Variants in LRP1B observed in about 807,000 individuals in gnomAD.
LRP1B encodes LDL receptor related protein 1B, also known as low-density lipoprotein receptor-related protein 1B.
LRP1B carries 217 observed loss-of-function variants against 556.6 expected under a neutral mutation model. The ratio of observed to expected loss-of-function variants is 0.39; its 90% confidence interval spans 0.35 to 0.44. The LOEUF is 0.44. Ranked by LOEUF, LRP1B falls within the 20% of genes least tolerant of loss-of-function variation. The probability of loss-of-function intolerance (pLI) is 1.00; values close to 1 mark genes in which losing one functional copy is unlikely to be tolerated. For synonymous variants in LRP1B, 2,047 were observed against 1,865.8 expected, an observed-to-expected ratio of 1.10 and a Z score of -2.50; for missense variants, 5,053 against 5,620.8, an observed-to-expected ratio of 0.90 and a Z score of 3.23.
At chr2:140,458,400 G>C (rs970866831) in intron 60 of LRP1B, among the ~76,000 whole-genome samples, 1 of 152,004 alleles carries the variant, frequency 6.6e-6, no homozygotes, top group Non-Finnish European at 1.5e-5. Context: ...GTGAATCCAG[G>C]GTCCTATCCA....
chr2:140,267,266 C>T (rs1034622770), intron 86 of LRP1B, among the ~76,000 whole-genome samples: 5 of 151,916 alleles, frequency 3.3e-5, no homozygotes, highest in African/African-American at 1.2e-4. Flanking sequence ...TAAACAATAA[C>T]AGCGTAATTC....
At chr2:141,394,636 C>T (rs749351453) in intron 3 of LRP1B, among the ~76,000 whole-genome samples, 1 of 151,948 alleles carries the variant, frequency 6.6e-6, no homozygotes, top group Non-Finnish European at 1.5e-5. Flanking sequence ...AATGTCAGCA[C>T]ATGTGAAAGG....
At chr2:141,319,343 G>A (rs1300043738) in intron 3 of LRP1B, among the ~76,000 whole-genome samples, 4 of 96,152 alleles carry the variant, frequency 4.2e-5, no homozygotes, top group Non-Finnish European at 1.9e-5. Flanking sequence ...TACTTGAAAT[G>A]TTCCTCAGGA....
chr2:141,000,608 T>TGC (rs141543616), intron 15 of LRP1B, among the ~76,000 whole-genome samples: 4,877 of 152,124 alleles, frequency 0.032, 96 homozygotes, highest in African/African-American at 0.04. Context: ...ACATTCCACT[T>TGC]GCACTGTGGG....
At chr2:140,823,395 C>T (rs1000260000) in intron 31 of LRP1B, among the ~76,000 whole-genome samples, 16 of 152,016 alleles carry the variant, frequency 1.1e-4, no homozygotes, top group African/African-American at 3.6e-4. Flanking sequence ...ACAATAATTG[C>T]TTGCAATAAG....
chr2:140,316,764 C>A (rs775091076), intron 82 of LRP1B, among the ~76,000 whole-genome samples: 2 of 151,220 alleles, frequency 1.3e-5, no homozygotes, highest in African/African-American at 4.9e-5. Flanking sequence ...AAAATTGTAA[C>A]ACTTTGTAAA....
chr2:140,697,316 C>T (rs1351428130), intron 41 of LRP1B, among the ~76,000 whole-genome samples: 1 of 152,070 alleles, frequency 6.6e-6, no homozygotes, highest in Non-Finnish European at 1.5e-5. Flanking sequence ...CCTTCAGACA[C>T]GGCACTCACA....
chr2:141,107,586 C>T (rs1334352784), intron 7 of LRP1B, among the ~76,000 whole-genome samples: 1 of 152,120 alleles, frequency 6.6e-6, no homozygotes, highest in East Asian at 1.9e-4. Flanking sequence ...GTGGAGGTTG[C>T]AGTGAGCTGA....
chr2:141,620,243 C>A (rs1213418041), intron 2 of LRP1B, among the ~76,000 whole-genome samples: 1 of 152,236 alleles, frequency 6.6e-6, no homozygotes, highest in Non-Finnish European at 1.5e-5. Context: ...CCAGCCATAA[C>A]TGGCAAGATT....
chr2:140,620,568 C>T (rs1683414435), intron 41 of LRP1B, among the ~76,000 whole-genome samples: 1 of 152,054 alleles, frequency 6.6e-6, no homozygotes, highest in Non-Finnish European at 1.5e-5. Context: ...CATTAAACTT[C>T]ATTGAAAAAT....
intron 41 of LRP1B, among the ~76,000 whole-genome samples, chr2:140,637,430 T>C (rs1684108676): frequency 1.3e-5 from 2 of 152,208 alleles, no homozygotes; most frequent in African/African-American, 4.8e-5. Flanking sequence ...GATTCTTCTT[T>C]GAACATGTTT....
chr2:141,648,540 T>A lies in LRP1B; in HGVS notation c.205+161739A>T, dbSNP rs993141929. On this transcript the variant is annotated intron_variant, in intron 2 of 90. Transcript: ENST00000389484. ...TTTATCACAGCAATACAAATTGGCA[T>A]CTTATTTCTTTGTATATTTGTTTCC... Among the ~76,000 whole-genome samples, 6 of 152,290 alleles carry A rather than the reference T, an allele frequency of 3.9e-5. No individual in the cohort carries two copies. In the South Asian group the frequency reaches 1.2e-3, roughly 32 times the overall value.
intron 3 of LRP1B, among the ~76,000 whole-genome samples, chr2:141,376,468 T>C (rs527860262): frequency 6.6e-5 from 10 of 152,198 alleles, no homozygotes; most frequent in Non-Finnish European, 1.5e-4. Context: ...TATCATATTA[T>C]TCTCTCCTAG....
chr2:140,940,238 T>A (rs1010828688), intron 20 of LRP1B, among the ~76,000 whole-genome samples: 1 of 152,072 alleles, frequency 6.6e-6, no homozygotes, highest in Non-Finnish European at 1.5e-5. Context: ...CCTGCGGAAA[T>A]AGCTATCTAA....
chr2:141,239,482 A>G (rs1160643261), intron 5 of LRP1B, among the ~76,000 whole-genome samples: 1 of 152,118 alleles, frequency 6.6e-6, no homozygotes, highest in Admixed American at 6.6e-5. Flanking sequence ...ACTTGCTTGT[A>G]TGCTGATGTG....
At chr2:141,648,514 A>C (rs1373978045) in intron 2 of LRP1B, among the ~76,000 whole-genome samples, 1 of 152,092 alleles carries the variant, frequency 6.6e-6, no homozygotes, top group Non-Finnish European at 1.5e-5. Context: ...CTGTTCAGAC[A>C]TTTATCACAG....
At chr2:142,041,576 A>T (rs1704068153) in intron 1 of LRP1B, among the ~76,000 whole-genome samples, 1 of 151,476 alleles carries the variant, frequency 6.6e-6, no homozygotes, top group Non-Finnish European at 1.5e-5. Flanking sequence ...TTATGTTTTC[A>T]TTTGCTTTGA....
At chr2:142,024,408 C>A (rs1022400827) in intron 1 of LRP1B, among the ~76,000 whole-genome samples, 2 of 152,148 alleles carry the variant, frequency 1.3e-5, no homozygotes, top group African/African-American at 4.8e-5. Flanking sequence ...CTTGGAGTTT[C>A]TCATTCAGTA....
At chr2:141,084,171 G>C (rs971097822) in intron 7 of LRP1B, among the ~76,000 whole-genome samples, 2 of 152,142 alleles carry the variant, frequency 1.3e-5, no homozygotes, top group Admixed American at 1.3e-4. Flanking sequence ...ATTATTAAAA[G>C]CTGGAAAATT....
Sources: allele counts gnomAD v4.1 joint callset (sites outside exome capture counted in the v4.1 genomes callset), GRCh38; gene constraint gnomAD v4.1.1; transcripts MANE v1.5; gene names NCBI Gene and HGNC (gene_info 2026-07-23, HGNC 2026-07-21).